The following CDH13 variants were observed in gnomAD, a reference collection of about 807,000 sequenced individuals.
CDH13 encodes cadherin-13.
A neutral mutation model predicts 63.8 loss-of-function variants in CDH13; 24 were observed. The ratio of observed to expected loss-of-function variants is 0.38; its 90% confidence interval spans 0.27 to 0.53. CDH13 has a LOEUF of 0.53. Among genes scored for constraint, CDH13 ranks in the 20% least tolerant of loss-of-function variants. CDH13 has a pLI of 0.85. For synonymous variants in CDH13, 503 were observed against 355.3 expected (o/e 1.42, Z -4.67); for missense variants, 1,049 against 903.1 (o/e 1.16, Z -2.07).
intron 1 of CDH13, among the ~76,000 whole-genome samples, chr16:82,712,592 A>T (rs1198911067): frequency 6.6e-6 from 1 of 152,120 alleles, no homozygotes; most frequent in African/African-American, 2.4e-5. Context: ...TCTCACATGG[A>T]TGTCTACAAA....
At chr16:83,012,605 A>T (rs760008149) in intron 2 of CDH13, among the ~76,000 whole-genome samples, 9 of 152,132 alleles carry the variant, frequency 5.9e-5, no homozygotes, top group South Asian at 4.1e-4. Context: ...AAGATAACGG[A>T]TCACTTTAAG....
chr16:83,159,896 G>T (rs565468078), intron 4 of CDH13, among the ~76,000 whole-genome samples: 7 of 151,960 alleles, frequency 4.6e-5, no homozygotes, highest in African/African-American at 1.7e-4. Flanking sequence ...CCAACATGGC[G>T]AAAACCCGTA....
chr16:83,097,268 A>G (rs13380614), intron 3 of CDH13, among the ~76,000 whole-genome samples: 2,725 of 152,328 alleles, frequency 0.018, 89 homozygotes, highest in African/African-American at 0.063. Context: ...TGGCAATCCA[A>G]ATAATCTCAC....
chr16:83,174,030 A>C (rs2038025758), intron 4 of CDH13, among the ~76,000 whole-genome samples: 1 of 152,008 alleles, frequency 6.6e-6, no homozygotes, highest in African/African-American at 2.4e-5. Context: ...CTCGAGGGAA[A>C]GGAGAGGGAC....
chr16:83,546,298 C>A (rs942376308), intron 7 of CDH13, among the ~76,000 whole-genome samples: 10 of 152,194 alleles, frequency 6.6e-5, no homozygotes, highest in Admixed American at 6.5e-4. Context: ...TCTTGGCATC[C>A]CCAGTACTTT....
chr16:82,846,272 A>G (rs1050026956), intron 1 of CDH13, among the ~76,000 whole-genome samples: 5 of 152,172 alleles, frequency 3.3e-5, no homozygotes, highest in African/African-American at 1.2e-4. Context: ...TCCAAAGAGC[A>G]TGTTGTTCCT....
intron 1 of CDH13, among the ~76,000 whole-genome samples, chr16:82,852,659 A>C (rs1013095544): frequency 6.6e-6 from 1 of 152,208 alleles, no homozygotes; most frequent in African/African-American, 2.4e-5. Flanking sequence ...AGGTATTTGC[A>C]AAATCTAAAG....
At chr16:83,127,300 A>T (rs1049065050) in intron 4 of CDH13, among the ~76,000 whole-genome samples, 7 of 152,218 alleles carry the variant, frequency 4.6e-5, no homozygotes, top group Non-Finnish European at 1.0e-4. Flanking sequence ...AGAAGACTGC[A>T]TGTTTTGAAA....
rs183653555 is a variant in CDH13 at position 83,621,471 on chromosome 16, C to T, written c.1101+18877C>T. 1.1e-3 allele frequency among the ~76,000 whole-genome samples: 133 copies of T among 120,662 alleles called. 1 individual carries two copies. The highest frequency in any genetic ancestry group is 4.0e-3 in the African/African-American group (127 of 32,118). The allele number at this position is 120,662 out of a possible 152,430, so 79.2% of individuals were successfully genotyped here. ...GCTGGCCCTCTTGCTCTCACCTCAC[C>T]TGCCTTTTTTTTTTTTTTTTTTTTT... On this transcript the variant is annotated intron_variant, in intron 8 of 13. Coordinates refer to ENST00000567109, the MANE Select transcript of CDH13 (RefSeq NM_001257.5).
At chr16:83,052,732 G>A (rs1311992753) in intron 3 of CDH13, among the ~76,000 whole-genome samples, 2 of 123,178 alleles carry the variant, frequency 1.6e-5, no homozygotes, top group African/African-American at 6.4e-5. Flanking sequence ...AGCCAAGATC[G>A]CACCATTGCA....
At chr16:82,640,504 A>G (rs186388941) in intron 1 of CDH13, among the ~76,000 whole-genome samples, 1 of 152,302 alleles carries the variant, frequency 6.6e-6, no homozygotes. Flanking sequence ...TCCGTGTAGC[A>G]TTAAAGCAGC....
At chr16:83,762,263 C>T (rs575157505) in intron 11 of CDH13, among the ~76,000 whole-genome samples, 25 of 152,118 alleles carry the variant, frequency 1.6e-4, no homozygotes, top group Middle Eastern at 6.8e-3. Flanking sequence ...AGATGAATAT[C>T]GTCATTTGCC....
intron 5 of CDH13, among the ~76,000 whole-genome samples, chr16:83,251,615 A>G (rs975172550): frequency 6.6e-6 from 1 of 152,222 alleles, no homozygotes; most frequent in African/African-American, 2.4e-5. Flanking sequence ...GGCCAGTTCT[A>G]GAGAAGGCAC....
Position 83,239,851 on chromosome 16 carries a change from G to A in CDH13, c.636+22354G>A, listed in dbSNP as rs577730828. Among the ~76,000 whole-genome samples, 36 of 152,290 alleles carry A rather than the reference G, an allele frequency of 2.4e-4. No homozygotes were observed. In the South Asian group the frequency reaches 7.3e-3, roughly 31 times the overall value. On this transcript the variant is annotated intron_variant, in intron 5 of 13. Transcript: ENST00000567109. ...GAGTAAAGTTAAACAGGACCAGGAG[G>A]ATGGGGAATTTGTGGGGGGCAGGGG...
At chr16:83,169,248 C>T (rs894692461) in intron 4 of CDH13, among the ~76,000 whole-genome samples, 1 of 151,402 alleles carries the variant, frequency 6.6e-6, no homozygotes, top group Non-Finnish European at 1.5e-5. Context: ...GGGATCTTGG[C>T]TCACTGCAAC....
chr16:83,696,072 G>C (rs1463069337), intron 10 of CDH13, among the ~76,000 whole-genome samples: 1 of 151,788 alleles, frequency 6.6e-6, no homozygotes, highest in African/African-American at 2.4e-5. Context: ...CTATTTGTTT[G>C]TAGAGATGGG....
At chr16:83,556,179 C>G (rs960386500) in intron 7 of CDH13, among the ~76,000 whole-genome samples, 1 of 152,202 alleles carries the variant, frequency 6.6e-6, no homozygotes, top group Non-Finnish European at 1.5e-5. Context: ...GGCTTAGAGA[C>G]AATTTGGGTC....
chr16:82,686,640 A>G (rs3852739), intron 1 of CDH13, among the ~76,000 whole-genome samples: 5,253 of 152,260 alleles, frequency 0.035, 249 homozygotes, highest in East Asian at 0.14. Context: ...CCTTTCCTCA[A>G]TGATTATTGT....
intron 2 of CDH13, among the ~76,000 whole-genome samples, chr16:82,958,730 C>T (rs1043532548): frequency 6.6e-6 from 1 of 152,354 alleles, no homozygotes; most frequent in Admixed American, 6.5e-5. Context: ...AGGTCACAGG[C>T]TCCATTGTCT....
Sources: gnomAD v4.1 joint callset for allele counts (sites outside exome capture counted in the v4.1 genomes callset) on GRCh38, gnomAD v4.1.1 for gene constraint, MANE v1.5 for transcripts, NCBI Gene and HGNC (gene_info 2026-07-23, HGNC 2026-07-21) for gene names.